The following LARGE2 variants were observed in gnomAD, a reference collection of about 807,000 sequenced individuals.
LARGE2 encodes the protein LARGE xylosyl- and glucuronyltransferase 2.
Under a neutral mutation model 75.3 loss-of-function variants are expected in LARGE2, and 63 were observed. The observed-to-expected ratio is 0.84, with a 90% confidence interval of 0.68 to 1.03. The LOEUF (loss-of-function observed/expected upper bound fraction) is 1.03. LARGE2 is among the 50% of genes least tolerant of loss of function. LARGE2 has a pLI of 0.00. For synonymous variants in LARGE2, 428 were observed against 420.1 expected, an observed-to-expected ratio of 1.02 and a Z score of -0.23; for missense variants, 925 against 980.6, an observed-to-expected ratio of 0.94 and a Z score of 0.76.
chr11:45,924,998 G>C, intron 6 of LARGE2, 109 bp downstream of exon 6: 1 of 622,144 alleles, frequency 1.6e-6, no homozygotes, highest in South Asian at 2.6e-5. Context: ...GAACATTGCT[G>C]TGAAAAGAAC....
chr11:45,925,528 T>C (rs1231201500), intron 6 of LARGE2, among the ~76,000 whole-genome samples: 2 of 151,968 alleles, frequency 1.3e-5, no homozygotes, highest in Non-Finnish European at 2.9e-5. Context: ...TGGTATCACG[T>C]ACCTGTAATC....
In LARGE2 at chr11:45,927,575, CT is replaced by C; in HGVS notation, c.1587del (p.Leu530SerfsTer219). On this transcript the variant is annotated frameshift_variant, in exon 11 of 14. Coordinates refer to ENST00000401752, the MANE Select transcript of LARGE2 (RefSeq NM_001300721.2). LOFTEE classifies it high-confidence loss of function. ...LSDIDFLPAY[S>X]LYDYLRASIE... ...GACATTGACTTCCTGCCTGCCTATT[CT>C]CTCTACGACTACCTCAGGTGGGCCT... 1 of 1,613,606 alleles carries C rather than the reference CT, an allele frequency of 6.2e-7. No individual in the cohort carries two copies.
In LARGE2 at chr11:45,927,943, T is replaced by G. The variant is rs749332642; in HGVS notation, c.1628T>G (p.Leu543Arg). Residue 543 changes from leucine to arginine, a missense_variant, in exon 12 of 14, where the codon CTG becomes CGG. Physicochemically the swap from Leu to Arg is moderately radical, Grantham distance 102. Transcript: ENST00000401752. ...AGGGCCTCCATTGAGCAGCTGGGGC[T>G]GGGCAGCCGGCGCAAGGCAGCACTG... Reference protein sequence around the residue: ...YLRASIEQLGLGSRRKAALVV... With the variant: ...YLRASIEQLGRGSRRKAALVV... 2 of 1,613,514 alleles carry G rather than the reference T, an allele frequency of 1.2e-6. No individual in the cohort carries two copies. Among genetic ancestry groups the G allele is most frequent in the Non-Finnish European group, 8.5e-7 (1 of 1,179,954 alleles).
intron 9 of LARGE2, 31 bp from the exon 10 acceptor site, chr11:45,926,680 C>A (rs375652051): frequency 1.2e-6 from 2 of 1,612,022 alleles, no homozygotes; most frequent in Non-Finnish European, 8.5e-7. Context: ...TCTGCCCTAT[C>A]CCCGGTCCTT....
In LARGE2 at chr11:45,922,956, T is replaced by C; in HGVS notation, c.74T>C (p.Leu25Pro). Residue 25 changes from leucine to proline, a missense_variant, in exon 2 of 14, where the codon CTC becomes CCC. Physicochemically the swap from Leu to Pro is moderately conservative, Grantham distance 98. Coordinates refer to ENST00000401752, the MANE Select transcript of LARGE2 (RefSeq NM_001300721.2). Reference sequence around the variant, plus strand: ...CTGCTGCTGCTGCTGCTCGGATTCCTCCTGTTCGGTGGGGACCTGGGGTGT... The same window carrying C: ...CTGCTGCTGCTGCTGCTCGGATTCCCCCTGTTCGGTGGGGACCTGGGGTGT... ...LLLLLLLLGF[L>P]LFGGDLGCER... is the part of the protein sequence containing the mutation. The C allele has an allele frequency of 7.7e-7, 1 of 1,302,200 alleles. No homozygotes were observed. The highest frequency in any genetic ancestry group is 9.7e-7 in the Non-Finnish European group (1 of 1,030,332). 80.7% of individuals were successfully genotyped at this position (1,302,200 alleles called of 1,614,324 possible).
chr11:45,924,703 C>T, intron 5 of LARGE2, 26 bp downstream of exon 5: 1 of 1,586,786 alleles, frequency 6.3e-7, no homozygotes, highest in Non-Finnish European at 8.6e-7. Flanking sequence ...GCCTGCCTGG[C>T]CTGCCCAGGA....
intron 12 of LARGE2, 44 bp downstream of exon 12, chr11:45,928,113 A>G: frequency 6.2e-7 from 1 of 1,612,644 alleles, no homozygotes; most frequent in Non-Finnish European, 8.5e-7. Context: ...ACTTGCCCAC[A>G]CTGGCCCCCA....
In LARGE2 at chr11:45,922,805, G is replaced by C; in HGVS notation, c.-62-16G>C. 8.8e-7 allele frequency: 1 copy of C among 1,136,288 alleles called. No individual in the cohort carries two copies. The highest frequency in any genetic ancestry group is 1.1e-6 in the Non-Finnish European group (1 of 903,290). The allele number at this position is 1,136,288 out of a possible 1,614,324, so 70.4% of individuals were successfully genotyped here. A position where few individuals can be genotyped will look rare whatever the true frequency, so the allele number is the denominator to read the frequency against. ...CGCCCAGGGCTGAGTCTCCCATCTC[G>C]CCCCTCGGTCCGCAGGGCCTGCGAT... On this transcript the variant is annotated splice_polypyrimidine_tract_variant and intron_variant, in intron 1 of 13. Coordinates refer to ENST00000401752, the MANE Select transcript of LARGE2 (RefSeq NM_001300721.2).
intron 10 of LARGE2, 136 bp from the exon 11 acceptor site, chr11:45,927,179 C>A: frequency 1.0e-6 from 1 of 995,790 alleles, no homozygotes; most frequent in Non-Finnish European, 1.5e-6. Context: ...ATCAGACTGG[C>A]TCTAAAAGTA....
chr11:45,924,230 ATGG>A lies in LARGE2; in HGVS notation c.448_450del (p.Val150del), dbSNP rs773538921. On this transcript the variant is annotated inframe_deletion, in exon 4 of 14. Transcript: ENST00000401752. ...CCTGGAGACGCTCTTCCACACATGG[ATGG>A]TGCCTGCTGTCCGTGTCAGCTTTTA... 1.9e-6 allele frequency: 3 copies of A among 1,613,512 alleles called. No individual in the cohort carries two copies. Among genetic ancestry groups the A allele is most frequent in the Non-Finnish European group, 2.5e-6 (3 of 1,179,998 alleles).
chr11:45,928,897 C>A lies in LARGE2; in HGVS notation c.*52C>A, dbSNP rs531184823. 85 of 1,602,912 alleles carry A rather than the reference C, an allele frequency of 5.3e-5. No homozygotes were observed. In the African/African-American group the frequency reaches 1.1e-3, roughly 21 times the overall value. ...TAGCATTGGGCAGACACCAGGGCAA[C>A]CTGCCCTCCGCCATCCCTGCTATTT... On this transcript the variant is annotated 3_prime_UTR_variant, in exon 14 of 14. Coordinates refer to ENST00000401752, the MANE Select transcript of LARGE2 (RefSeq NM_001300721.2).
intron 11 of LARGE2, 148 bp from the exon 12 acceptor site, chr11:45,927,772 G>A (rs775279890): frequency 3.8e-5 from 54 of 1,429,456 alleles, no homozygotes; most frequent in Non-Finnish European, 5.1e-5. Context: ...GGCTTCAACA[G>A]CAGCTCCACC....
rs747382134 is a variant in LARGE2 at position 45,924,188 on chromosome 11, G to A, written c.403G>A (p.Ala135Thr). 2.2e-5 allele frequency: 35 copies of A among 1,612,464 alleles called. No homozygotes were observed. The highest frequency in any genetic ancestry group is 2.3e-5 in the Non-Finnish European group (27 of 1,179,932). The change falls in exon 4 of 14, where the codon GCC becomes ACC. Residue 135 changes from alanine to threonine, a missense_variant. Physicochemically the swap from Ala to Thr is moderately conservative, Grantham distance 58 (BLOSUM62 0). Coordinates refer to ENST00000401752, the MANE Select transcript of LARGE2 (RefSeq NM_001300721.2). ...NPLHLHLVTD[A>T]VARNILETLF... ...ACTGCACCTCCACTTGGTGACTGAC[G>A]CCGTGGCCAGAAACATCCTGGAGAC...
Position 45,924,607 on chromosome 11 carries a change from T to C in LARGE2, c.594T>C (p.Ile198=), listed in dbSNP as rs1245644140. 6.2e-7 allele frequency: 1 copy of C among 1,614,132 alleles called. No individual in the cohort carries two copies. Among genetic ancestry groups the C allele is most frequent in the Admixed American group, 1.7e-5 (1 of 60,028 alleles). Residue 198 remains isoleucine (I), a synonymous_variant, in exon 5 of 14, where the codon ATT becomes ATC. Coordinates refer to ENST00000401752, the MANE Select transcript of LARGE2 (RefSeq NM_001300721.2). Reference sequence around the variant, plus strand: ...TGCCTGCTGAGCTGGCCCGCGTCATTGTCCTGGACACGGATGTCACCTTCG... The same window carrying C: ...TGCCTGCTGAGCTGGCCCGCGTCATCGTCCTGGACACGGATGTCACCTTCG... ...SALPAELARV[I]VLDTDVTFAS...
intron 11 of LARGE2, 127 bp from the exon 12 acceptor site, chr11:45,927,793 C>T: frequency 6.7e-7 from 1 of 1,485,528 alleles, no homozygotes; most frequent in Non-Finnish European, 9.3e-7. Context: ...TGTGGTTGTG[C>T]CCACCCGTCG....
chr11:45,923,307 C>T (rs2086998140), intron 2 of LARGE2, 140 bp downstream of exon 2: 1 of 1,093,694 alleles, frequency 9.1e-7, no homozygotes, highest in Non-Finnish European at 1.3e-6. Context: ...GAACGTGCAG[C>T]TCCTCTGCTC....
At chr11:45,921,850 C>T (rs2086932638), upstream of LARGE2, among the ~76,000 whole-genome samples, 2 of 152,184 alleles carry the variant, frequency 1.3e-5, no homozygotes, top group South Asian at 4.1e-4. Flanking sequence ...GAGAATTAGC[C>T]CGCATCATGG....
Position 45,923,547 on chromosome 11 carries a change from C to G in LARGE2, c.360C>G (p.Leu120=). 1.2e-6 allele frequency: 2 copies of G among 1,613,858 alleles called. No individual in the cohort carries two copies. The highest frequency in any genetic ancestry group is 1.7e-6 in the Non-Finnish European group (2 of 1,179,872). The change falls in exon 3 of 14, where the codon CTC becomes CTG. Residue 120 remains leucine (L), a synonymous_variant. Transcript: ENST00000401752. The stretch of plus-strand genomic sequence containing the variant: ...TCATCACCCTGGTGAAGTCCATGCT[C>G]TTCTACAGGTACAGCCAGGTGTCCG... The part of the protein sequence containing the change: ...RDVITLVKSM[L]FYRKNPLHLH...
rs1177971011 is a variant in LARGE2 at position 45,929,095 on chromosome 11, T to G, written c.*250T>G. On this transcript the variant is annotated 3_prime_UTR_variant, in exon 14 of 14. Coordinates refer to ENST00000401752, the MANE Select transcript of LARGE2 (RefSeq NM_001300721.2). ...TTTTCATAATTAAAGTTTTAAAACA[T>G]CTTTTTTGTGTTCCTGGTTTGGGGG... 7.2e-6 allele frequency: 4 copies of G among 552,052 alleles called. No individual in the cohort carries two copies. In the African/African-American group the frequency reaches 7.6e-5, roughly 10 times the overall value. The allele number at this position is 552,052 out of a possible 1,614,324, so 34.2% of individuals were successfully genotyped here.
Sources: allele counts gnomAD v4.1 joint callset (sites outside exome capture counted in the v4.1 genomes callset), GRCh38; gene constraint gnomAD v4.1.1; transcripts MANE v1.5; gene names NCBI Gene and HGNC (gene_info 2026-07-23, HGNC 2026-07-21).